RPLP2: variants seen among roughly 807,000 people sequenced by gnomAD.
The protein encoded by RPLP2 is ribosomal protein lateral stalk subunit P2, also known as large ribosomal subunit protein P2.
A neutral mutation model predicts 11.5 loss-of-function variants in RPLP2; 1 was observed. That is an observed-to-expected ratio of 0.09 (90% CI 0.03 to 0.41). RPLP2 has a LOEUF of 0.41. RPLP2 is among the 10% of genes least tolerant of loss of function. The pLI is 0.98. For missense variants in RPLP2, 177 were observed against 145.6 expected, an observed-to-expected ratio of 1.22 and a Z score of -1.11; for synonymous variants, 82 against 55.9, an observed-to-expected ratio of 1.47 and a Z score of -2.08.
At chr11:812,231 C>T (rs1335511489) in intron 3 of RPLP2, 1 of 460,842 alleles carries the variant, frequency 2.2e-6, no homozygotes, top group Admixed American at 3.4e-5. Context: ...CACTCATTCC[C>T]TACCTAGTTA....
intron 3 of RPLP2, chr11:811,955 G>A (rs1003551882): frequency 1.2e-5 from 7 of 592,458 alleles, no homozygotes; most frequent in African/African-American, 7.3e-5. Flanking sequence ...CTGAGTTCAC[G>A]TCAGCAGTCC....
At chr11:810,871 C>CGT (rs1565078776) in intron 2 of RPLP2, among the ~76,000 whole-genome samples, 1 of 136,154 alleles carries the variant, frequency 7.3e-6, no homozygotes, top group East Asian at 2.0e-4. Flanking sequence ...CAGTGAGCTG[C>CGT]GTAAGATTGC....
At position 811,565 on chromosome 11, in the gene RPLP2, C is replaced by T. The variant is rs752168903; in HGVS notation, c.124-32C>T. The stretch of plus-strand genomic sequence containing the variant: ...AGGGCCGGGGATACAATCGTACATT[C>T]CTGGTAACAGCCCTGTGATTGTCTG... On this transcript the variant is annotated intron_variant, in intron 2 of 4. Coordinates refer to ENST00000321153, the MANE Select transcript of RPLP2 (RefSeq NM_001004.4). 6.8e-6 allele frequency: 11 copies of T among 1,613,840 alleles called. No individual in the cohort carries two copies. The African/African-American group carries it at 1.1e-4, about 16-fold the overall frequency.
intron 3 of RPLP2, chr11:812,248 T>C (rs1203042206): frequency 2.0e-6 from 1 of 494,636 alleles, no homozygotes; most frequent in East Asian, 3.8e-5. Context: ...GTTATGAACA[T>C]GTCTGTCCAG....
intron 3 of RPLP2, chr11:812,135 C>A: frequency 2.6e-6 from 1 of 379,352 alleles, no homozygotes; most frequent in Non-Finnish European, 5.0e-6. Flanking sequence ...GTCTTCCATG[C>A]ATGTGACCAC....
intron 2 of RPLP2, 32 bp downstream of exon 2, chr11:810,389 G>A: frequency 6.3e-7 from 1 of 1,597,022 alleles, no homozygotes; most frequent in Non-Finnish European, 8.5e-7. Context: ...CAGCCGCCGT[G>A]GGGCCCCAGT....
At chr11:811,458 C>T (rs1039873646) in intron 2 of RPLP2, 139 bp from the exon 3 acceptor site, 1 of 903,660 alleles carries the variant, frequency 1.1e-6, no homozygotes, top group South Asian at 1.5e-5. Flanking sequence ...GCTGGTGGCT[C>T]CCTTTGGGCA....
In RPLP2 at chr11:810,369, C is replaced by T. The variant is rs572766158; in HGVS notation, c.123+12C>T. 5 of 1,601,708 alleles carry T rather than the reference C, an allele frequency of 3.1e-6. No homozygotes were observed. Among genetic ancestry groups the T allele is most frequent in the South Asian group, 2.2e-5 (2 of 89,604 alleles). Reference sequence around the variant, plus strand: ...ACCGGCTCAACAAGGTAGCGGCCGCCCTTGCCCCGCAGCCGCCGTGGGGCC... The same window carrying T: ...ACCGGCTCAACAAGGTAGCGGCCGCTCTTGCCCCGCAGCCGCCGTGGGGCC... On this transcript the variant is annotated intron_variant, in intron 2 of 4. Coordinates refer to ENST00000321153, the MANE Select transcript of RPLP2 (RefSeq NM_001004.4).
rs1022914760 is a variant in RPLP2 at position 811,997 on chromosome 11, G to A, written c.172+352G>A. ...CATGCTTTCTGTGAGGGGGTTGGGG[G>A]CAGGGACTGAGGGTGCCAGGGATGT... On this transcript the variant is annotated intron_variant, in intron 3 of 4. Transcript: ENST00000321153. 2.4e-5 allele frequency: 11 copies of A among 465,382 alleles called. No individual in the cohort carries two copies. The East Asian group carries it at 3.6e-4, about 15-fold the overall frequency. The allele number at this position is 465,382 out of a possible 1,614,324, so 28.8% of individuals were successfully genotyped here.
Position 811,580 on chromosome 11 carries a change from G to A in RPLP2, c.124-17G>A. ...ATCGTACATTCCTGGTAACAGCCCT[G>A]TGATTGTCTGCTTCAGGTTATCAGT... On this transcript the variant is annotated splice_polypyrimidine_tract_variant and intron_variant, in intron 2 of 4. Transcript: ENST00000321153. 1 of 1,614,218 alleles carries A rather than the reference G, an allele frequency of 6.2e-7. No individual in the cohort carries two copies. Among genetic ancestry groups the A allele is most frequent in the Non-Finnish European group, 8.5e-7 (1 of 1,180,016 alleles).
At chr11:811,866 G>C in intron 3 of RPLP2, 1 of 760,902 alleles carries the variant, frequency 1.3e-6, no homozygotes, top group Non-Finnish European at 2.4e-6. Flanking sequence ...ACGTTTAGGT[G>C]GCCCTGCCTC....
intron 2 of RPLP2, chr11:811,333 G>A (rs535200445): frequency 1.6e-4 from 85 of 537,330 alleles, no homozygotes; most frequent in Admixed American, 2.6e-4. Flanking sequence ...TTTTGCCAGT[G>A]TTGAAGATAC....
In RPLP2 at chr11:812,843, G is replaced by C. The variant is rs376122570; in HGVS notation, c.*7G>C. 150 of 1,612,306 alleles carry C rather than the reference G, an allele frequency of 9.3e-5. No individual in the cohort carries two copies. Among genetic ancestry groups the C allele is most frequent in the Non-Finnish European group, 1.2e-4 (144 of 1,179,714 alleles). ...ATTTGGCCTTTTTGATTAAATTCCT[G>C]CTCCCCTGCAAATAAAGCCTTTTTA... On this transcript the variant is annotated 3_prime_UTR_variant, in exon 5 of 5. Transcript: ENST00000321153.
At chr11:812,684 G>C in intron 4 of RPLP2, 51 bp downstream of exon 4, 3 of 1,612,544 alleles carry the variant, frequency 1.9e-6, no homozygotes, top group Non-Finnish European at 2.5e-6. Context: ...AGACGGTGTT[G>C]CTGCAGTGGG....
chr11:811,395 C>G, intron 2 of RPLP2: 1 of 614,972 alleles, frequency 1.6e-6, no homozygotes, highest in Non-Finnish European at 2.9e-6. Flanking sequence ...TTTGTCAGTC[C>G]TAAGTCTAAG....
Position 811,636 on chromosome 11 carries a change from A to G in RPLP2, c.163A>G (p.Ile55Val). The G allele has an allele frequency of 1.2e-6, 2 of 1,614,226 alleles. No individual in the cohort carries two copies. The highest frequency in any genetic ancestry group is 1.7e-6 in the Non-Finnish European group (2 of 1,180,022). Reference sequence around the variant, plus strand: ...GAATGGAAAAAACATTGAAGACGTCATTGCCCAGGGTGAGTTGATGTGGAC... The same window carrying G: ...GAATGGAAAAAACATTGAAGACGTCGTTGCCCAGGGTGAGTTGATGTGGAC... ...ELNGKNIEDVIAQGIGKLASV... is the reference protein window; with the variant it reads ...ELNGKNIEDVVAQGIGKLASV... The change falls in exon 3 of 5, where the codon ATT becomes GTT. Residue 55 changes from isoleucine to valine, a missense_variant. By Grantham distance (29) the Ile-to-Val change is conservative. Transcript: ENST00000321153.
chr11:810,078 C>T (rs1590165092), intron 1 of RPLP2, 39 bp downstream of exon 1: 1 of 911,138 alleles, frequency 1.1e-6, no homozygotes, highest in Non-Finnish European at 1.5e-6. Flanking sequence ...CGGCTGGGGA[C>T]GCGGAGTCCG....
rs752840449 is a variant in RPLP2 at position 812,862 on chromosome 11, C to T, written c.*26C>T. On this transcript the variant is annotated 3_prime_UTR_variant, in exon 5 of 5. Coordinates refer to ENST00000321153, the MANE Select transcript of RPLP2 (RefSeq NM_001004.4). ...ATTCCTGCTCCCCTGCAAATAAAGCCTTTTTACACATCTCTCAAGTATTCC... is the reference window on the plus strand; with the variant it reads ...ATTCCTGCTCCCCTGCAAATAAAGCTTTTTTACACATCTCTCAAGTATTCC... 2 of 1,610,138 alleles carry T rather than the reference C, an allele frequency of 1.2e-6. No homozygotes were observed. Among genetic ancestry groups the T allele is most frequent in the South Asian group, 2.2e-5 (2 of 90,956 alleles).
At chr11:810,424 C>T (rs1865994644) in intron 2 of RPLP2, 67 bp downstream of exon 2, 11 of 1,471,562 alleles carry the variant, frequency 7.5e-6, no homozygotes, top group African/African-American at 1.4e-5. Context: ...ATTCTTCTGC[C>T]TGATCCGGCC....
Sources: allele counts gnomAD v4.1 joint callset (sites outside exome capture counted in the v4.1 genomes callset), GRCh38; gene constraint gnomAD v4.1.1; transcripts MANE v1.5; gene names NCBI Gene and HGNC (gene_info 2026-07-23, HGNC 2026-07-21).